The following DNAH10 variants were observed in gnomAD, a reference collection of about 807,000 sequenced individuals.
DNAH10 encodes axonemal beta dynein heavy chain 10.
A neutral mutation model predicts 506.6 loss-of-function variants in DNAH10; 348 were observed. The ratio of observed to expected loss-of-function variants is 0.69; its 90% CI spans 0.63 to 0.75. DNAH10 has a LOEUF of 0.75. Ranked by LOEUF, DNAH10 falls within the 30% of genes least tolerant of loss-of-function variation. The pLI is 0.00. For missense variants in DNAH10, 5,179 were observed against 5,787.1 expected (o/e 0.89, Z 3.41); for synonymous variants, 2,059 against 2,198.6 (o/e 0.94, Z 1.78).
Position 123,913,047 on chromosome 12 carries a change from G to A in DNAH10, c.10135-51G>A, listed in dbSNP as rs1954301661. ...GCCTGGTTTGAGGCCATGGGATCGC[G>A]GCCCCACCACGGTCCTTTTCCCCAT... On this transcript the variant is annotated intron_variant, in intron 59 of 78. Coordinates refer to ENST00000673944, the MANE Select transcript of DNAH10 (RefSeq NM_001372106.1). This position sits in a 1 kb window ranked among gnomAD's most constrained non-coding sequence, Gnocchi z 5.1. 4 of 1,538,756 alleles carry A rather than the reference G, an allele frequency of 2.6e-6. No individual in the cohort carries two copies. The highest frequency in any genetic ancestry group is 1.4e-5 in the African/African-American group (1 of 72,956).
intron 69 of DNAH10, chr12:123,927,696 A>T (rs1480436835): frequency 6.6e-6 from 1 of 152,476 alleles, no homozygotes; most frequent in African/African-American, 2.4e-5. Context: ...GGTCAGAGGG[A>T]GCTGACTGCC....
chr12:123,898,089 C>A, intron 55 of DNAH10, 122 bp downstream of exon 55: 7 of 961,650 alleles, frequency 7.3e-6, no homozygotes, highest in African/African-American at 1.7e-5. Flanking sequence ...CGAAGCACAT[C>A]TTGGATTTTG....
chr12:123,830,196 T>C lies in DNAH10; in HGVS notation c.4392-350T>C, dbSNP rs536355722. On this transcript the variant is annotated intron_variant, in intron 25 of 78. Coordinates refer to ENST00000673944, the MANE Select transcript of DNAH10 (RefSeq NM_001372106.1). The stretch of plus-strand genomic sequence containing the variant: ...AATGCACGAGAGCTCATAATTTACA[T>C]GAGGCTCTCAAAAAGGCTGAGTGAT... 2.0e-5 allele frequency among the ~76,000 whole-genome samples: 3 copies of C among 152,298 alleles called. No homozygotes were observed. The East Asian group carries it at 5.8e-4, about 29-fold the overall frequency.
Position 123,921,118 on chromosome 12 carries a change from T to C in DNAH10, c.11506+2169T>C, listed in dbSNP as rs1296582784. On this transcript the variant is annotated intron_variant, in intron 65 of 78. Transcript: ENST00000673944. ...GGAAGAAACCTACCTGATTGCTGGGTTGTTTCCCGTCGTCTGAATTTTGTG... is the reference window on the plus strand; with the variant it reads ...GGAAGAAACCTACCTGATTGCTGGGCTGTTTCCCGTCGTCTGAATTTTGTG... 2.0e-5 allele frequency among the ~76,000 whole-genome samples: 3 copies of C among 152,146 alleles called. No individual in the cohort carries two copies. The East Asian group carries it at 5.8e-4, about 29-fold the overall frequency.
chr12:123,906,168 G>A (rs915986131), intron 57 of DNAH10, among the ~76,000 whole-genome samples: 5 of 151,956 alleles, frequency 3.3e-5, no homozygotes, highest in Non-Finnish European at 5.9e-5. Flanking sequence ...TCCTGACCTT[G>A]TGATCCACCC....
At chr12:123,933,598 G>T in intron 77 of DNAH10, 87 bp downstream of exon 77, 1 of 1,459,496 alleles carries the variant, frequency 6.9e-7, no homozygotes, top group Admixed American at 2.2e-5. Context: ...CAGGCATAGC[G>T]TGGGCCTAAA....
At chr12:123,771,527 A>T in intron 2 of DNAH10, 74 bp from the exon 3 acceptor site, 2 of 1,249,832 alleles carry the variant, frequency 1.6e-6, no homozygotes, top group Non-Finnish European at 2.3e-6. Context: ...GGTGCACAAA[A>T]TGCAGGGCTG....
chr12:123,805,823 T>C (rs934933268), intron 18 of DNAH10, among the ~76,000 whole-genome samples: 9 of 150,782 alleles, frequency 6.0e-5, no homozygotes, highest in African/African-American at 2.0e-4. Flanking sequence ...GTCGCCCAGG[T>C]TGGAGTGCAG....
chr12:123,913,461 T>C lies in DNAH10; in HGVS notation c.10352+146T>C. The C allele has an allele frequency of 1.3e-6, 1 of 797,674 alleles. No individual in the cohort carries two copies. The highest frequency in any genetic ancestry group is 1.9e-5 in the South Asian group (1 of 52,676). The allele number at this position is 797,674 out of a possible 1,614,324, so 49.4% of individuals were successfully genotyped here. ...TCTTATGTTCCTATTATCATGTTTA[T>C]GGCAGCTAATGGCTATTTTATAGGC... On this transcript the variant is annotated intron_variant, in intron 60 of 78. Coordinates refer to ENST00000673944, the MANE Select transcript of DNAH10 (RefSeq NM_001372106.1). The surrounding 1 kb of genome is among the most constrained non-coding windows in gnomAD (Gnocchi z 5.1).
chr12:123,871,520 C>G lies in DNAH10; in HGVS notation c.7703C>G (p.Pro2568Arg), dbSNP rs1952036093. ...ILEQMVKIKQ[P>R]VIFVGESGTS... ...GAACAAATGGTTAAAATTAAGCAACCTGTTATTTTTGTTGGTGAATCTGGC... is the reference window on the plus strand; with the variant it reads ...GAACAAATGGTTAAAATTAAGCAACGTGTTATTTTTGTTGGTGAATCTGGC... The change falls in exon 45 of 79, where the codon CCT (proline) becomes CGT (arginine). Residue 2568 changes from proline (P) to arginine (R), a missense_variant. By Grantham distance (103) the Pro-to-Arg change is moderately radical. Coordinates refer to ENST00000673944, the MANE Select transcript of DNAH10 (RefSeq NM_001372106.1). 6.4e-7 allele frequency: 1 copy of G among 1,560,166 alleles called. No homozygotes were observed. The highest frequency in any genetic ancestry group is 1.9e-5 in the Admixed American group (1 of 52,240).
chr12:123,787,872 C>T lies in DNAH10; in HGVS notation c.1490C>T (p.Ala497Val), dbSNP rs994172250. 5.0e-6 allele frequency: 8 copies of T among 1,613,864 alleles called. No homozygotes were observed. The South Asian group carries it at 7.7e-5, about 16-fold the overall frequency. Residue 497 changes from alanine (A) to valine (V), a missense_variant, in exon 10 of 79, where the codon GCC becomes GTC. Physicochemically the swap from Ala to Val is moderately conservative, Grantham distance 64. Around this residue, in one of 3 missense-constraint regions of DNAH10, gnomAD observed 4,844 missense variants for 5,430.5 expected, o/e 0.89. Coordinates refer to ENST00000673944, the MANE Select transcript of DNAH10 (RefSeq NM_001372106.1). This position sits in a 1 kb window ranked among gnomAD's most constrained non-coding sequence, Gnocchi z 4.6. ...ARNTLRLWKKAYFDTRAKIEA... is the reference protein window; with the variant it reads ...ARNTLRLWKKVYFDTRAKIEA... ...AACACCCTCAGGCTGTGGAAAAAGGCCTATTTTGACACCCGGGCCAAGATA... is the reference window on the plus strand; with the variant it reads ...AACACCCTCAGGCTGTGGAAAAAGGTCTATTTTGACACCCGGGCCAAGATA...
In DNAH10 at chr12:123,785,657, G is replaced by T; in HGVS notation, c.1231-89G>T. ...CAAGGAAAAAAAAAAAAAAAAAAGAGTGAAACTTCTTGCATGCTTACTGTT... is the reference window on the plus strand; with the variant it reads ...CAAGGAAAAAAAAAAAAAAAAAAGATTGAAACTTCTTGCATGCTTACTGTT... On this transcript the variant is annotated intron_variant, in intron 8 of 78. Coordinates refer to ENST00000673944, the MANE Select transcript of DNAH10 (RefSeq NM_001372106.1). This position sits in a 1 kb window ranked among gnomAD's most constrained non-coding sequence, Gnocchi z 4.1. 1.0e-4 allele frequency: 98 copies of T among 960,540 alleles called. No homozygotes were observed. Among genetic ancestry groups the T allele is most frequent in the Non-Finnish European group, 1.3e-4 (87 of 689,156 alleles). 59.5% of individuals were successfully genotyped at this position (960,540 alleles called of 1,614,324 possible). A position where few individuals can be genotyped will look rare whatever the true frequency, so the allele number is the denominator to read the frequency against.
intron 24 of DNAH10, among the ~76,000 whole-genome samples, 152 bp downstream of exon 24, chr12:123,820,910 A>G (rs1959328658): frequency 1.3e-5 from 2 of 152,146 alleles, no homozygotes; most frequent in Non-Finnish European, 1.5e-5. Context: ...GGGGATGGGG[A>G]GTGATTGCTT....
rs1351533923 is a variant in DNAH10 at position 123,846,661 on chromosome 12, T to G, written c.5814+507T>G. ...GACTGTTTGTCAGATGCTTGCTAGTTTTCTTTTTTTAAATTAGAGATGAGG... is the reference window on the plus strand; with the variant it reads ...GACTGTTTGTCAGATGCTTGCTAGTGTTCTTTTTTTAAATTAGAGATGAGG... On this transcript the variant is annotated intron_variant, in intron 32 of 78. Coordinates refer to ENST00000673944, the MANE Select transcript of DNAH10 (RefSeq NM_001372106.1). This position sits in a 1 kb window ranked among gnomAD's most constrained non-coding sequence, Gnocchi z 4.5. 2.0e-5 allele frequency among the ~76,000 whole-genome samples: 3 copies of G among 152,072 alleles called. No homozygotes were observed. The highest frequency in any genetic ancestry group is 4.8e-5 in the African/African-American group (2 of 41,396).
At chr12:123,811,572 C>G (rs1332150969) in intron 19 of DNAH10, among the ~76,000 whole-genome samples, 1 of 152,018 alleles carries the variant, frequency 6.6e-6, no homozygotes, top group East Asian at 1.9e-4. Flanking sequence ...GCAATCTCAG[C>G]TCACTGCAAG....
intron 5 of DNAH10, 62 bp from the exon 6 acceptor site, chr12:123,781,018 T>C: frequency 3.0e-6 from 4 of 1,333,874 alleles, no homozygotes; most frequent in Non-Finnish European, 4.1e-6. Context: ...CAGAGGCAAT[T>C]TGAATACATG....
intron 48 of DNAH10, among the ~76,000 whole-genome samples, chr12:123,878,343 C>G (rs1326062541): frequency 1.3e-5 from 2 of 152,146 alleles, no homozygotes; most frequent in African/African-American, 2.4e-5. Flanking sequence ...AGGCTTATAC[C>G]TTTACATGAA....
chr12:123,771,711 C>G lies in DNAH10; in HGVS notation c.396+13C>G, dbSNP rs1007765382. On this transcript the variant is annotated intron_variant, in intron 3 of 78. Transcript: ENST00000673944. Reference sequence around the variant, plus strand: ...ACTCCCTTCCAAAGTAAGCATGGCTCTTTGTCCTTGTTGGTGGGGTAATGG... The same window carrying G: ...ACTCCCTTCCAAAGTAAGCATGGCTGTTTGTCCTTGTTGGTGGGGTAATGG... The G allele has an allele frequency of 7.5e-6, 12 of 1,599,772 alleles. No homozygotes were observed. Among genetic ancestry groups the G allele is most frequent in the East Asian group, 2.2e-5 (1 of 44,516 alleles).
rs1372050030 is a variant in DNAH10 at position 123,870,392 on chromosome 12, C to T, written c.7546C>T (p.His2516Tyr). The change falls in exon 44 of 79, where the codon CAT becomes TAT. Residue 2516 changes from histidine to tyrosine, a missense_variant. This residue lies in a region of DNAH10 where 4,844 missense variants were observed against 5,430.5 expected (regional missense o/e 0.89). Coordinates refer to ENST00000673944, the MANE Select transcript of DNAH10 (RefSeq NM_001372106.1). Reference protein sequence around the residue: ...PGQLPTLYDFHFDNKRNQWVP... With the variant: ...PGQLPTLYDFYFDNKRNQWVP... ...TCAACTTCCAACCTTGTATGACTTT[C>T]ATTTTGATAACAAACGGAATCAATG... 2.5e-6 allele frequency: 4 copies of T among 1,613,756 alleles called. No homozygotes were observed. The highest frequency in any genetic ancestry group is 1.3e-5 in the African/African-American group (1 of 74,926).
Sources: allele counts gnomAD v4.1 joint callset (sites outside exome capture counted in the v4.1 genomes callset), GRCh38; gene constraint gnomAD v4.1.1; regional missense constraint gnomAD v4.1.1; non-coding constraint Gnocchi (gnomAD v3.1); transcripts MANE v1.5; gene names NCBI Gene and HGNC (gene_info 2026-07-23, HGNC 2026-07-21).